Variants in HSP90AA1 observed in about 807,000 individuals in gnomAD.
HSP90AA1 encodes the protein heat shock protein HSP 90-alpha.
In HSP90AA1, 18 loss-of-function variants were observed where a neutral mutation model predicts 73.3. The ratio of observed to expected loss-of-function variants is 0.25; its 90% CI spans 0.17 to 0.36. The LOEUF (loss-of-function observed/expected upper bound fraction) is 0.36. HSP90AA1 is among the 10% of genes least tolerant of loss of function. HSP90AA1 has a pLI of 1.00. For missense variants in HSP90AA1, 704 were observed against 874.2 expected (o/e 0.81, Z 2.45); for synonymous variants, 477 against 296.9 (o/e 1.61, Z -6.24).
chr14:102,082,916 G>C, intron 9 of HSP90AA1, 118 bp downstream of exon 9: 1 of 1,094,816 alleles, frequency 9.1e-7, no homozygotes, highest in Admixed American at 1.8e-5. Flanking sequence ...ACCGCGCCCA[G>C]CCACACACAA....
intron 2 of HSP90AA1, among the ~76,000 whole-genome samples, chr14:102,092,375 T>C (rs2049370537): frequency 6.6e-6 from 1 of 152,108 alleles, no homozygotes; most frequent in African/African-American, 2.4e-5. Flanking sequence ...TATTATTGAT[T>C]TCTAATATTT....
chr14:102,083,468 C>T, intron 8 of HSP90AA1, 78 bp downstream of exon 8: 4 of 1,466,598 alleles, frequency 2.7e-6, no homozygotes, highest in Middle Eastern at 1.9e-4. Context: ...AACAGTGCTA[C>T]CTGAGTAGAA....
intron 2 of HSP90AA1, among the ~76,000 whole-genome samples, chr14:102,100,411 A>C (rs1325640203): frequency 7.0e-6 from 1 of 143,788 alleles, no homozygotes; most frequent in Non-Finnish European, 1.5e-5. Context: ...AAAAAACAAA[A>C]TTTCCAGTCT....
chr14:102,085,184 C>T (rs2049196093), intron 4 of HSP90AA1, 114 bp downstream of exon 4: 2 of 1,422,806 alleles, frequency 1.4e-6, no homozygotes, highest in South Asian at 2.3e-5. Flanking sequence ...GGTAGTAGAG[C>T]TTAGGTTCCC....
upstream of HSP90AA1, among the ~76,000 whole-genome samples, chr14:102,087,887 C>T (rs1489026097): frequency 6.6e-6 from 1 of 150,894 alleles, no homozygotes; most frequent in African/African-American, 2.4e-5. Flanking sequence ...TTGCGGTCTC[C>T]AAATTAAGTA....
At chr14:102,122,440 C>T in intron 1 of HSP90AA1, among the ~76,000 whole-genome samples, 1 of 151,708 alleles carries the variant, frequency 6.6e-6, no homozygotes, top group Non-Finnish European at 1.5e-5. Flanking sequence ...ACAACCACAC[C>T]CGGCTAATTT....
chr14:102,089,701 CT>C (rs779144329), upstream of HSP90AA1, among the ~76,000 whole-genome samples: 383 of 151,514 alleles, frequency 2.5e-3, 8 homozygotes, highest in Non-Finnish European at 5.7e-4. Context: ...AGCTTCCCCC[CT>C]GTCTCCAGCC....
intron 1 of HSP90AA1, among the ~76,000 whole-genome samples, chr14:102,129,133 ATTTTTT>A (rs71116884): frequency 1.1e-5 from 1 of 94,394 alleles, no homozygotes; most frequent in Non-Finnish European, 2.2e-5. Flanking sequence ...TCTAGTTTTG[ATTTTTT>A]TTTTTTTTTT....
chr14:102,128,028 T>C (rs1018985042), intron 1 of HSP90AA1, among the ~76,000 whole-genome samples: 1 of 152,132 alleles, frequency 6.6e-6, no homozygotes, highest in Non-Finnish European at 1.5e-5. Flanking sequence ...GAAATGAACA[T>C]TGGTTCTTCT....
At chr14:102,092,025 T>A (rs1485020825), upstream of HSP90AA1, among the ~76,000 whole-genome samples, 1 of 152,234 alleles carries the variant, frequency 6.6e-6, no homozygotes, top group East Asian at 1.9e-4. Flanking sequence ...TTTTTACATG[T>A]TTTACTTTTC....
chr14:102,133,423 T>A (rs1223460107), intron 1 of HSP90AA1, among the ~76,000 whole-genome samples: 3 of 152,084 alleles, frequency 2.0e-5, no homozygotes, highest in African/African-American at 7.2e-5. Context: ...GAGTTGAGAA[T>A]CTTTGGTTTC....
chr14:102,081,339 A>G lies in HSP90AA1; in HGVS notation c.*373T>C. ...AAGTAGATCCTACAAGATGTAACGA[A>G]TACTTTTCTAAACATCAAGATACAG... is the stretch of plus-strand genomic sequence containing the variant. On this transcript the variant is annotated 3_prime_UTR_variant, in exon 11 of 11. Transcript: ENST00000216281. The G allele has an allele frequency of 2.9e-6, 1 of 340,622 alleles. No homozygotes were observed. Among genetic ancestry groups the G allele is most frequent in the Non-Finnish European group, 5.4e-6 (1 of 183,630 alleles). 21.1% of individuals were successfully genotyped at this position (340,622 alleles called of 1,614,324 possible). A position where few individuals can be genotyped will look rare whatever the true frequency, so the allele number is the denominator to read the frequency against.
exon 1 of HSP90AA1, chr14:102,139,320 A>G: frequency 6.2e-7 from 1 of 1,613,728 alleles, no homozygotes; most frequent in South Asian, 1.1e-5. Context: ...TCGCGCGGGT[A>G]TTCAGCACTC....
In HSP90AA1 at chr14:102,099,426, C is replaced by T. The variant is rs529360620; in HGVS notation, c.366+2449G>A. 4.6e-5 allele frequency among the ~76,000 whole-genome samples: 7 copies of T among 152,216 alleles called. No homozygotes were observed. The South Asian group carries it at 8.3e-4, about 18-fold the overall frequency. The stretch of plus-strand genomic sequence containing the variant: ...ACACAAAATTAGCCAGGTGCGGTGG[C>T]GCATGCCTGTAATCCCAGCTACTTG... On this transcript the variant is annotated intron_variant, in intron 2 of 11. Coordinates refer to the HSP90AA1 transcript ENST00000334701.
intron 2 of HSP90AA1, among the ~76,000 whole-genome samples, chr14:102,097,541 C>CT (rs1424841141): frequency 6.6e-6 from 1 of 152,150 alleles, no homozygotes; most frequent in Non-Finnish European, 1.5e-5. Context: ...GAGCAGAGGC[C>CT]TTTGAGTCCC....
In HSP90AA1 at chr14:102,084,017, TTCC is replaced by T. The variant is rs763403511; in HGVS notation, c.1148-37_1148-35del. Reference sequence around the variant, plus strand: ...AATATAAACCAAATGCACTGAGTCATTCCAAGGACAAAACTGGTACTATGTAAA... The same window carrying T: ...AATATAAACCAAATGCACTGAGTCATAAGGACAAAACTGGTACTATGTAAA... On this transcript the variant is annotated intron_variant, in intron 6 of 10. Transcript: ENST00000216281. 29 of 1,515,438 alleles carry T rather than the reference TTCC, an allele frequency of 1.9e-5. No homozygotes were observed. In the South Asian group the frequency reaches 3.2e-4, roughly 16 times the overall value. The allele number at this position is 1,515,438 out of a possible 1,614,324, so 93.9% of individuals were successfully genotyped here.
At chr14:102,137,043 G>A (rs986833122) in intron 1 of HSP90AA1, among the ~76,000 whole-genome samples, 11 of 151,894 alleles carry the variant, frequency 7.2e-5, no homozygotes, top group Admixed American at 1.3e-4. Context: ...GTGAAACCCC[G>A]TCTCTACTAA....
intron 9 of HSP90AA1, chr14:102,082,736 T>C (rs2049127417): frequency 2.0e-6 from 1 of 503,644 alleles, no homozygotes; most frequent in Admixed American, 3.3e-5. Context: ...TTCTCCTGCC[T>C]CAGCCTCCCA....
At chr14:102,082,988 A>T in intron 9 of HSP90AA1, 46 bp downstream of exon 9, 1 of 1,581,688 alleles carries the variant, frequency 6.3e-7, no homozygotes, top group Non-Finnish European at 8.7e-7. Flanking sequence ...TAAGCTTGAA[A>T]GCACCTTAGA....
Sources: allele counts gnomAD v4.1 joint callset (sites outside exome capture counted in the v4.1 genomes callset), GRCh38; gene constraint gnomAD v4.1.1; transcripts MANE v1.5; gene names NCBI Gene and HGNC (gene_info 2026-07-23, HGNC 2026-07-21).